The following MYO9A variants were observed in gnomAD, a reference collection of about 807,000 sequenced individuals.
MYO9A encodes the protein myosin IXA, also known as unconventional myosin-IXa.
A neutral mutation model predicts 293.3 loss-of-function variants in MYO9A; 103 were observed. The ratio of observed to expected loss-of-function variants is 0.35; its 90% CI spans 0.30 to 0.41. The LOEUF (loss-of-function observed/expected upper bound fraction) is 0.41, where lower values mean the gene tolerates loss of function less well. Among genes scored for constraint, MYO9A ranks in the 10% least tolerant of loss-of-function variants. MYO9A has a pLI of 1.00. For missense variants in MYO9A, 2,685 were observed against 3,033.0 expected (o/e 0.89, Z 2.69); for synonymous variants, 1,001 against 1,035.7 (o/e 0.97, Z 0.64).
chr15:71,999,911 T>C lies in MYO9A; in HGVS notation c.1410A>G (p.Leu470=). ...EVKEEMLFEA[L]VTRKTVTVGE... is the part of the protein sequence containing the mutation. Reference sequence around the variant, plus strand: ...CCACTGTCACCGTCTTCCTTGTAACTAATGCTTCAAATAGCATCTCTTCTT... The same window carrying C: ...CCACTGTCACCGTCTTCCTTGTAACCAATGCTTCAAATAGCATCTCTTCTT... The change falls in exon 9 of 42, where the codon TTA becomes TTG. Residue 470 remains leucine, a synonymous_variant. Transcript: ENST00000356056. 6.2e-7 allele frequency: 1 copy of C among 1,612,670 alleles called. No individual in the cohort carries two copies. The highest frequency in any genetic ancestry group is 8.5e-7 in the Non-Finnish European group (1 of 1,179,476).
chr15:71,871,711 A>G (rs1046266167), intron 32 of MYO9A, among the ~76,000 whole-genome samples: 1 of 151,242 alleles, frequency 6.6e-6, no homozygotes, highest in African/African-American at 2.4e-5. Flanking sequence ...AGAAAGAAAG[A>G]AGAAAGTAAA....
intron 14 of MYO9A, among the ~76,000 whole-genome samples, chr15:71,953,408 C>T (rs1296596945): frequency 2.6e-5 from 4 of 152,182 alleles, no homozygotes; most frequent in Non-Finnish European, 4.4e-5. Flanking sequence ...TAAACAATCA[C>T]GCCTTTCAAC....
At chr15:71,981,290 C>T (rs1169618399) in intron 11 of MYO9A, among the ~76,000 whole-genome samples, 1 of 152,100 alleles carries the variant, frequency 6.6e-6, no homozygotes, top group Non-Finnish European at 1.5e-5. Flanking sequence ...GTTATCCTGG[C>T]CCCCTAAAAT....
chr15:71,909,012 T>C (rs546244307), intron 19 of MYO9A, among the ~76,000 whole-genome samples: 9 of 152,318 alleles, frequency 5.9e-5, no homozygotes, highest in South Asian at 4.1e-4. Flanking sequence ...TTATGGTATG[T>C]AGCCTTTTCA....
At chr15:72,008,265 C>T (rs1423333410) in intron 7 of MYO9A, among the ~76,000 whole-genome samples, 1 of 152,134 alleles carries the variant, frequency 6.6e-6, no homozygotes, top group African/African-American at 2.4e-5. Context: ...TGCTATTTAT[C>T]CTGCCAGGAA....
At chr15:71,867,974 T>C (rs1385534437) in intron 32 of MYO9A, among the ~76,000 whole-genome samples, 1 of 152,220 alleles carries the variant, frequency 6.6e-6, no homozygotes. Context: ...TTTCTATTGC[T>C]GCTGCCACAA....
intron 15 of MYO9A, among the ~76,000 whole-genome samples, chr15:71,945,700 A>G (rs1284611212): frequency 2.1e-5 from 3 of 144,916 alleles, no homozygotes; most frequent in Admixed American, 1.4e-4. Context: ...TTTGTTGACT[A>G]CTTCTTTTCA....
At chr15:72,041,145 T>A in intron 2 of MYO9A, 1 of 751,208 alleles carries the variant, frequency 1.3e-6, no homozygotes, top group Non-Finnish European at 2.3e-6. Context: ...TTTGGGAGGC[T>A]GAGGTGGGAG....
At chr15:71,957,643 TTACA>T (rs748836570) in intron 14 of MYO9A, among the ~76,000 whole-genome samples, 2 of 152,008 alleles carry the variant, frequency 1.3e-5, no homozygotes, top group Non-Finnish European at 2.9e-5. Flanking sequence ...CTTCTCCCAC[TTACA>T]TAAACAAACA....
chr15:72,011,417 G>T (rs549721623), intron 6 of MYO9A, among the ~76,000 whole-genome samples: 1 of 151,970 alleles, frequency 6.6e-6, no homozygotes, highest in East Asian at 1.9e-4. Context: ...AACAAGGAAA[G>T]AAAGAAGTAT....
intron 32 of MYO9A, among the ~76,000 whole-genome samples, chr15:71,863,389 T>C (rs1422916871): frequency 6.6e-6 from 1 of 152,102 alleles, no homozygotes; most frequent in Non-Finnish European, 1.5e-5. Flanking sequence ...CATTAATTTA[T>C]TTAAAATGAA....
intron 1 of MYO9A, among the ~76,000 whole-genome samples, chr15:72,065,375 A>T (rs988418505): frequency 2.6e-5 from 4 of 151,756 alleles, no homozygotes; most frequent in African/African-American, 9.7e-5. Flanking sequence ...ATAAGCCAGG[A>T]GTGGTGGCGC....
At chr15:71,835,847 T>C (rs1460925361) in intron 39 of MYO9A, among the ~76,000 whole-genome samples, 1 of 152,042 alleles carries the variant, frequency 6.6e-6, no homozygotes, top group African/African-American at 2.4e-5. Context: ...ACCAGTTATT[T>C]TTAGAAAGCT....
rs1159175357 is a variant in MYO9A, at chr15:72,071,919, G to C, written c.-71-25285C>G. 4.0e-5 allele frequency among the ~76,000 whole-genome samples: 6 copies of C among 151,544 alleles called. No individual in the cohort carries two copies. In the South Asian group the frequency reaches 1.3e-3, roughly 32 times the overall value. The stretch of plus-strand genomic sequence containing the variant: ...AAATTTTTCTATCAAAAAGATACCT[G>C]CTTAGCCAGGTGTGGCGGTATATGC... On this transcript the variant is annotated intron_variant, in intron 1 of 41. Transcript: ENST00000356056.
chr15:71,916,727 T>G (rs767655681), intron 18 of MYO9A, among the ~76,000 whole-genome samples: 10 of 152,178 alleles, frequency 6.6e-5, no homozygotes, highest in Non-Finnish European at 1.3e-4. Flanking sequence ...GAGTTCTGGA[T>G]ATGGTTTAAG....
intron 15 of MYO9A, among the ~76,000 whole-genome samples, chr15:71,948,251 C>T (rs1596260921): frequency 2.0e-5 from 3 of 152,128 alleles, no homozygotes; most frequent in Admixed American, 2.0e-4. Flanking sequence ...TTAAGAGAAG[C>T]CAAGAAAATA....
chr15:72,057,069 C>T (rs894557865), intron 1 of MYO9A, among the ~76,000 whole-genome samples: 3 of 149,860 alleles, frequency 2.0e-5, no homozygotes, highest in African/African-American at 4.9e-5. Context: ...ATTGCACCAC[C>T]GTACTCCAGC....
rs544300148 is a variant in MYO9A at position 71,867,851 on chromosome 15, G to A, written c.5980-5240C>T. 9.7e-5 allele frequency among the ~76,000 whole-genome samples: 13 copies of A among 133,352 alleles called. 1 individual carries two copies. The South Asian group carries it at 3.0e-3, about 30-fold the overall frequency. The allele number at this position is 133,352 out of a possible 152,430, so 87.5% of individuals were successfully genotyped here. A position where few individuals can be genotyped will look rare whatever the true frequency, so the allele number is the denominator to read the frequency against. Reference sequence around the variant, plus strand: ...ACACACACACACACACACACACACGGTTATTCATTGTTCACTCTTTGTAAT... The same window carrying A: ...ACACACACACACACACACACACACGATTATTCATTGTTCACTCTTTGTAAT... On this transcript the variant is annotated intron_variant, in intron 32 of 41. Transcript: ENST00000356056.
intron 19 of MYO9A, 127 bp from the exon 20 acceptor site, chr15:71,905,133 G>T: frequency 1.6e-6 from 1 of 628,586 alleles, no homozygotes; most frequent in Non-Finnish European, 2.5e-6. Context: ...AGAGGTTTTT[G>T]AAAAGCACAT....
Sources: allele counts gnomAD v4.1 joint callset (sites outside exome capture counted in the v4.1 genomes callset), GRCh38; gene constraint gnomAD v4.1.1; transcripts MANE v1.5; gene names NCBI Gene and HGNC (gene_info 2026-07-23, HGNC 2026-07-21).